Variants in ARL15 observed in about 807,000 individuals in gnomAD.
ARL15 encodes ADP-ribosylation factor-like protein 15.
A neutral mutation model predicts 25.2 loss-of-function variants in ARL15; 19 were observed. The observed-to-expected ratio is 0.75, with a 90% CI of 0.53 to 1.10. The LOEUF (loss-of-function observed/expected upper bound fraction) is 1.10. Ranked by LOEUF, ARL15 falls within the 50% of genes least tolerant of loss-of-function variation. The probability of loss-of-function intolerance (pLI) is 0.00; values close to 1 mark genes in which losing one functional copy is unlikely to be tolerated. For synonymous variants in ARL15, 94 were observed against 86.8 expected (o/e 1.08, Z -0.46); for missense variants, 220 against 246.0 (o/e 0.89, Z 0.71).
chr5:54,080,010 C>CACACATAT (rs60910899), intron 4 of ARL15, among the ~76,000 whole-genome samples: 10,397 of 144,662 alleles, frequency 0.072, 513 homozygotes, highest in East Asian at 0.15. Context: ...CACACACACA[C>CACACATAT]ACACACAGAC....
At chr5:54,049,619 G>A (rs1441805623) in intron 4 of ARL15, among the ~76,000 whole-genome samples, 3 of 146,612 alleles carry the variant, frequency 2.0e-5, no homozygotes, top group Non-Finnish European at 4.5e-5. Context: ...GTTGTTGTTT[G>A]AGATAGGGTC....
At chr5:54,251,116 A>C (rs919997521) in intron 1 of ARL15, among the ~76,000 whole-genome samples, 3 of 145,554 alleles carry the variant, frequency 2.1e-5, no homozygotes, top group Non-Finnish European at 4.6e-5. Flanking sequence ...GAGGCTTAGA[A>C]AGTGATTCAC....
At chr5:54,071,767 C>A (rs1019081421) in intron 4 of ARL15, among the ~76,000 whole-genome samples, 1 of 151,770 alleles carries the variant, frequency 6.6e-6, no homozygotes, top group Non-Finnish European at 1.5e-5. Context: ...GTCAGGAGAT[C>A]GAGACCATCC....
chr5:53,889,388 C>CA (rs1744644537), intron 4 of ARL15, among the ~76,000 whole-genome samples: 1 of 152,170 alleles, frequency 6.6e-6, no homozygotes, highest in Admixed American at 6.5e-5. Flanking sequence ...ATCACACAGG[C>CA]ATACATGGAA....
intron 4 of ARL15, among the ~76,000 whole-genome samples, chr5:54,042,523 T>C (rs1027073642): frequency 6.6e-6 from 1 of 152,202 alleles, no homozygotes; most frequent in African/African-American, 2.4e-5. Context: ...CTCAGATCTA[T>C]GCAGATTAGC....
chr5:54,056,277 A>G (rs1364615453), intron 4 of ARL15, among the ~76,000 whole-genome samples: 1 of 151,880 alleles, frequency 6.6e-6, no homozygotes, highest in African/African-American at 2.4e-5. Flanking sequence ...GGTAGCCATT[A>G]TTATGACCAA....
At chr5:53,979,918 T>A (rs1748067548) in intron 4 of ARL15, among the ~76,000 whole-genome samples, 1 of 151,700 alleles carries the variant, frequency 6.6e-6, no homozygotes, top group Non-Finnish European at 1.5e-5. Flanking sequence ...TTGGCCAAAC[T>A]GGTCTCAAAC....
chr5:54,265,165 A>T (rs1757592825), intron 1 of ARL15, among the ~76,000 whole-genome samples: 2 of 152,106 alleles, frequency 1.3e-5, no homozygotes, highest in Admixed American at 6.5e-5. Flanking sequence ...GACTTCCCCT[A>T]AAAAAACCCA....
chr5:54,104,025 T>C (rs1246009649), intron 4 of ARL15, among the ~76,000 whole-genome samples: 2 of 152,204 alleles, frequency 1.3e-5, no homozygotes, highest in Non-Finnish European at 2.9e-5. Context: ...GGTCAAAACC[T>C]TTAATTACAG....
chr5:53,906,975 T>A (rs576203001), intron 4 of ARL15, among the ~76,000 whole-genome samples: 44 of 152,228 alleles, frequency 2.9e-4, no homozygotes, highest in African/African-American at 1.0e-3. Flanking sequence ...GAAATGTGAA[T>A]TTATAGTTTT....
intron 1 of ARL15, among the ~76,000 whole-genome samples, chr5:54,269,546 C>T (rs573286137): frequency 4.6e-5 from 7 of 152,222 alleles, no homozygotes; most frequent in African/African-American, 1.7e-4. Flanking sequence ...GTTGACAAAT[C>T]CATAATGTAT....
At chr5:54,115,613 T>G (rs1300677045) in intron 3 of ARL15, among the ~76,000 whole-genome samples, 1 of 152,126 alleles carries the variant, frequency 6.6e-6, no homozygotes, top group African/African-American at 2.4e-5. Context: ...TGAAACTAAT[T>G]TTCAGGTCCT....
chr5:54,028,650 T>G lies in ARL15; in HGVS notation c.462+84552A>C, dbSNP rs186513592. ...TCTACCCAACACTTAATTGGCAGTC[T>G]ATCCATTGAAGGCAAAGAGCAGAAA... On this transcript the variant is annotated intron_variant, in intron 4 of 4. Transcript: ENST00000504924. Among the ~76,000 whole-genome samples, 538 of 152,294 alleles carry G rather than the reference T, an allele frequency of 3.5e-3. 2 individuals are homozygous for G. The highest frequency in any genetic ancestry group is 0.012 in the African/African-American group (516 of 41,556).
At chr5:54,174,594 C>T (rs1197325009) in intron 1 of ARL15, among the ~76,000 whole-genome samples, 1 of 152,114 alleles carries the variant, frequency 6.6e-6, no homozygotes, top group Non-Finnish European at 1.5e-5. Context: ...ATGAGATGTT[C>T]TTCTCTGATC....
intron 4 of ARL15, among the ~76,000 whole-genome samples, chr5:53,999,011 C>T (rs1177340784): frequency 6.6e-6 from 1 of 152,026 alleles, no homozygotes; most frequent in East Asian, 1.9e-4. Context: ...TAAGCACACT[C>T]AGAGTAACAT....
intron 1 of ARL15, among the ~76,000 whole-genome samples, chr5:54,230,346 G>GAAA (rs137882615): frequency 1.5e-4 from 14 of 91,840 alleles, no homozygotes; most frequent in Non-Finnish European, 1.5e-4. Flanking sequence ...TTCCATCTCA[G>GAAA]AAAAAAAAAA....
At chr5:54,250,506 A>G (rs921892926) in intron 1 of ARL15, among the ~76,000 whole-genome samples, 1 of 152,230 alleles carries the variant, frequency 6.6e-6, no homozygotes, top group African/African-American at 2.4e-5. Context: ...AGAAGAAAAT[A>G]CCTGATTGTG....
At chr5:54,228,927 T>C (rs772751351) in intron 1 of ARL15, among the ~76,000 whole-genome samples, 15 of 152,284 alleles carry the variant, frequency 9.9e-5, no homozygotes, top group Admixed American at 4.6e-4. Context: ...AAATAACATG[T>C]TTCCTGTCGG....
Position 54,239,346 on chromosome 5 carries a change from A to G in ARL15, c.49-67418T>C, listed in dbSNP as rs143631563. Reference sequence around the variant, plus strand: ...CTTCTGAAGTAAAATATTGGTATGTATCAGTTGGAAAAGACTCTTTTCCAC... The same window carrying G: ...CTTCTGAAGTAAAATATTGGTATGTGTCAGTTGGAAAAGACTCTTTTCCAC... On this transcript the variant is annotated intron_variant, in intron 1 of 4. Coordinates refer to ENST00000504924, the MANE Select transcript of ARL15 (RefSeq NM_019087.3). Among the ~76,000 whole-genome samples the G allele has an allele frequency of 7.3e-3, 1,108 of 152,142 alleles. 15 individuals are homozygous for G. The highest frequency in any genetic ancestry group is 0.025 in the African/African-American group (1,039 of 41,494).
Sources: allele counts gnomAD v4.1 joint callset (sites outside exome capture counted in the v4.1 genomes callset), GRCh38; gene constraint gnomAD v4.1.1; transcripts MANE v1.5; gene names NCBI Gene and HGNC (gene_info 2026-07-23, HGNC 2026-07-21).